Variants in HIBADH observed in about 807,000 individuals in gnomAD.
HIBADH encodes the protein 3-hydroxyisobutyrate dehydrogenase, also known as 3-hydroxyisobutyrate dehydrogenase, mitochondrial.
In HIBADH, 25 loss-of-function variants were observed where a neutral mutation model predicts 36.1. The ratio of observed to expected loss-of-function variants is 0.69; its 90% CI spans 0.50 to 0.97. HIBADH has a LOEUF of 0.97. Among genes scored for constraint, HIBADH ranks in the 50% least tolerant of loss-of-function variants. The pLI is 0.00. For missense variants in HIBADH, 421 were observed against 418.0 expected, an observed-to-expected ratio of 1.01 and a Z score of -0.06; for synonymous variants, 160 against 149.5, an observed-to-expected ratio of 1.07 and a Z score of -0.51.
intron 1 of HIBADH, among the ~76,000 whole-genome samples, chr7:27,657,748 TTC>T (rs1424448239): frequency 6.6e-6 from 1 of 152,170 alleles, no homozygotes; most frequent in Admixed American, 6.5e-5. Context: ...GTTTAAAATT[TTC>T]TCTGAGTTGG....
intron 3 of HIBADH, among the ~76,000 whole-genome samples, chr7:27,630,794 T>C (rs1042958046): frequency 1.3e-5 from 2 of 152,262 alleles, no homozygotes; most frequent in Admixed American, 1.3e-4. Flanking sequence ...ATTTTAGACA[T>C]ATGAATTGTT....
chr7:27,657,913 C>T (rs749750045), intron 1 of HIBADH, among the ~76,000 whole-genome samples: 7 of 152,044 alleles, frequency 4.6e-5, no homozygotes, highest in Non-Finnish European at 7.4e-5. Flanking sequence ...GCATATAAAG[C>T]GTTAAACAGT....
Position 27,545,241 on chromosome 7 carries a change from G to A in HIBADH, c.485-2141C>T, listed in dbSNP as rs150298283. 5.3e-5 allele frequency among the ~76,000 whole-genome samples: 8 copies of A among 152,244 alleles called. 1 individual carries two copies. In the East Asian group the frequency reaches 1.5e-3, roughly 29 times the overall value. On this transcript the variant is annotated intron_variant, in intron 4 of 7. Coordinates refer to ENST00000265395, the MANE Select transcript of HIBADH (RefSeq NM_152740.4). ...GGACTGCTTGAGCCCAGAAGTTTGA[G>A]ACCAGCCTGGGCAACACGGCGAAAC...
intron 4 of HIBADH, among the ~76,000 whole-genome samples, chr7:27,547,571 C>T (rs547496593): frequency 8.5e-5 from 13 of 152,170 alleles, no homozygotes; most frequent in East Asian, 1.9e-4. Flanking sequence ...AAACAGACAA[C>T]GACTGTAATA....
intron 4 of HIBADH, among the ~76,000 whole-genome samples, chr7:27,619,178 G>A (rs1406681515): frequency 2.6e-5 from 4 of 152,066 alleles, no homozygotes; most frequent in Non-Finnish European, 5.9e-5. Flanking sequence ...AACCCTCCAA[G>A]GAAATAACAG....
At chr7:27,560,767 A>G (rs574920808) in intron 4 of HIBADH, among the ~76,000 whole-genome samples, 21 of 152,320 alleles carry the variant, frequency 1.4e-4, no homozygotes, top group Admixed American at 1.3e-3. Flanking sequence ...TTTGGTTACT[A>G]TGAGTACTGC....
chr7:27,546,324 GC>G (rs1784235334), intron 4 of HIBADH, among the ~76,000 whole-genome samples: 1 of 151,936 alleles, frequency 6.6e-6, no homozygotes, highest in Admixed American at 6.6e-5. Context: ...TCACTTTATT[GC>G]CCAGGTTGGT....
intron 4 of HIBADH, among the ~76,000 whole-genome samples, chr7:27,612,666 G>A (rs2128292094): frequency 6.6e-6 from 1 of 150,998 alleles, no homozygotes; most frequent in South Asian, 2.2e-4. Flanking sequence ...AGACACAGGG[G>A]CTCACACCTG....
At chr7:27,543,121 G>T in intron 4 of HIBADH, 21 bp from the exon 5 acceptor site, 1 of 1,612,046 alleles carries the variant, frequency 6.2e-7, no homozygotes, top group Non-Finnish European at 8.5e-7. Context: ...TGGGGGTAAA[G>T]GGATAGAAGC....
At chr7:27,565,191 G>C (rs1784528118) in intron 4 of HIBADH, among the ~76,000 whole-genome samples, 1 of 152,046 alleles carries the variant, frequency 6.6e-6, no homozygotes, top group South Asian at 2.1e-4. Context: ...CCCCAAAACT[G>C]CTGAAATTAT....
intron 2 of HIBADH, among the ~76,000 whole-genome samples, chr7:27,649,045 A>G (rs1458927656): frequency 6.6e-6 from 1 of 152,234 alleles, no homozygotes; most frequent in Non-Finnish European, 1.5e-5. Flanking sequence ...ACTTGCCCCC[A>G]GTAAGAAAGC....
At position 27,531,211 on chromosome 7, in the gene HIBADH, C is replaced by T. The variant is rs1490243714; in HGVS notation, c.833G>A (p.Gly278Glu). 2 of 1,613,670 alleles carry T rather than the reference C, an allele frequency of 1.2e-6. No homozygotes were observed. Among genetic ancestry groups the T allele is most frequent in the Admixed American group, 3.3e-5 (2 of 59,980 alleles). Residue 278 changes from glycine to glutamate, a missense_variant, in exon 7 of 8, where the codon GGA (glycine) becomes GAA (glutamate). Physicochemically the swap from Gly to Glu is moderately conservative, Grantham distance 98. Coordinates refer to ENST00000265395, the MANE Select transcript of HIBADH (RefSeq NM_152740.4). ...PSANNYQGGF[G>E]TTLMAKDLGL... ...CCATACCTTAGCCATGAGTGTTGTT[C>T]CAAATCCACCCTGATAGTTATTAGC...
At chr7:27,580,416 CA>C (rs1784770943) in intron 4 of HIBADH, among the ~76,000 whole-genome samples, 1 of 152,096 alleles carries the variant, frequency 6.6e-6, no homozygotes, top group African/African-American at 2.4e-5. Context: ...ACAACAACAA[CA>C]AAAATCCAGA....
intron 2 of HIBADH, 90 bp downstream of exon 2, chr7:27,649,383 G>T: frequency 1.0e-6 from 1 of 959,554 alleles, no homozygotes; most frequent in Non-Finnish European, 1.5e-6. Context: ...CAACTCCATT[G>T]GGTATACTTC....
chr7:27,584,687 T>C (rs1446788213), intron 4 of HIBADH, among the ~76,000 whole-genome samples: 1 of 152,066 alleles, frequency 6.6e-6, no homozygotes, highest in Non-Finnish European at 1.5e-5. Context: ...TTGGGGCATA[T>C]TTTCCATTAC....
intron 4 of HIBADH, among the ~76,000 whole-genome samples, chr7:27,566,801 T>C (rs1286598412): frequency 6.6e-6 from 1 of 152,182 alleles, no homozygotes; most frequent in Non-Finnish European, 1.5e-5. Flanking sequence ...ACCCATAGAT[T>C]ACTTAGGAAT....
intron 4 of HIBADH, among the ~76,000 whole-genome samples, chr7:27,594,007 A>G (rs1200845577): frequency 6.6e-6 from 1 of 150,994 alleles, no homozygotes; most frequent in Non-Finnish European, 1.5e-5. Context: ...TGGGCGACAG[A>G]GCGAGACTCC....
intron 6 of HIBADH, among the ~76,000 whole-genome samples, chr7:27,537,898 TGGGGGA>T (rs1784090059): frequency 6.6e-6 from 1 of 152,026 alleles, no homozygotes; most frequent in Non-Finnish European, 1.5e-5. Flanking sequence ...AGTGCAGATT[TGGGGGA>T]CTATATTTTT....
intron 2 of HIBADH, among the ~76,000 whole-genome samples, chr7:27,648,023 G>A (rs551973447): frequency 1.3e-5 from 2 of 152,298 alleles, no homozygotes; most frequent in African/African-American, 4.8e-5. Flanking sequence ...AAGTACCCTT[G>A]TTACTCTTAC....
Sources: gnomAD v4.1 joint callset for allele counts (sites outside exome capture counted in the v4.1 genomes callset) on GRCh38, gnomAD v4.1.1 for gene constraint, MANE v1.5 for transcripts, NCBI Gene and HGNC (gene_info 2026-07-23, HGNC 2026-07-21) for gene names.